PDE4D: variants seen among roughly 807,000 people sequenced by gnomAD.
PDE4D encodes 3',5'-cyclic-AMP phosphodiesterase 4D.
Under a neutral mutation model 87.4 loss-of-function variants are expected in PDE4D, and 24 were observed. The observed-to-expected ratio is 0.27, with a 90% CI of 0.20 to 0.39. The LOEUF is 0.39. Among genes scored for constraint, PDE4D ranks in the 10% least tolerant of loss-of-function variants. PDE4D has a pLI of 1.00. For missense variants in PDE4D, 714 were observed against 1,041.0 expected (o/e 0.69, Z 4.32); for synonymous variants, 384 against 383.2 (o/e 1.00, Z -0.02).
At chr5:59,550,886 C>A (rs763084459) in intron 1 of PDE4D, among the ~76,000 whole-genome samples, 1 of 151,862 alleles carries the variant, frequency 6.6e-6, no homozygotes, top group Non-Finnish European at 1.5e-5. Flanking sequence ...TTAGTAGAGA[C>A]GGGGTTTCAC....
At chr5:59,333,979 T>C (rs1234083020) in intron 1 of PDE4D, among the ~76,000 whole-genome samples, 2 of 152,044 alleles carry the variant, frequency 1.3e-5, no homozygotes, top group Admixed American at 1.3e-4. Flanking sequence ...GTCTTGTTTA[T>C]GAGGATCCAA....
intron 1 of PDE4D, among the ~76,000 whole-genome samples, chr5:59,679,049 C>G (rs187729413): frequency 9.9e-5 from 15 of 152,270 alleles, no homozygotes; most frequent in East Asian, 3.9e-4. Flanking sequence ...GACTTAGAGA[C>G]AGTCTTATTC....
At chr5:59,319,917 G>A (rs543059004) in intron 1 of PDE4D, among the ~76,000 whole-genome samples, 2 of 152,228 alleles carry the variant, frequency 1.3e-5, no homozygotes, top group African/African-American at 4.8e-5. Flanking sequence ...CCTCAAGCCA[G>A]TTCTACAGGA....
intron 5 of PDE4D, among the ~76,000 whole-genome samples, chr5:59,111,644 C>G (rs13354437): frequency 0.29 from 44,622 of 152,078 alleles, 7,230 homozygotes; most frequent in African/African-American, 0.43. Flanking sequence ...CTGCATTTTT[C>G]TATTCTAAAT....
chr5:59,474,618 A>C (rs923107896), intron 1 of PDE4D, among the ~76,000 whole-genome samples: 19 of 152,130 alleles, frequency 1.2e-4, no homozygotes, highest in African/African-American at 4.3e-4. Flanking sequence ...AGCATCAATC[A>C]TCTTGGGTCC....
At chr5:60,214,778 GT>G (rs1005193496) in intron 1 of PDE4D, among the ~76,000 whole-genome samples, 1 of 152,128 alleles carries the variant, frequency 6.6e-6, no homozygotes, top group African/African-American at 2.4e-5. Flanking sequence ...CCAAACAGGA[GT>G]TTGTCCTAAA....
chr5:59,534,388 T>G (rs1814770791), intron 1 of PDE4D, among the ~76,000 whole-genome samples: 1 of 152,198 alleles, frequency 6.6e-6, no homozygotes, highest in African/African-American at 2.4e-5. Flanking sequence ...CTGGAAACAC[T>G]ATTTTGCCTG....
chr5:59,890,414 A>G (rs1167705130), intron 1 of PDE4D, among the ~76,000 whole-genome samples: 2 of 152,228 alleles, frequency 1.3e-5, no homozygotes, highest in African/African-American at 4.8e-5. Context: ...GTCAACAAAT[A>G]CACTGATTTG....
chr5:60,107,230 C>T (rs1188883122), intron 2 of PDE4D, among the ~76,000 whole-genome samples: 2 of 152,120 alleles, frequency 1.3e-5, no homozygotes, highest in East Asian at 1.9e-4. Context: ...CTACAAAAAC[C>T]TCTACGCAAA....
intron 2 of PDE4D, among the ~76,000 whole-genome samples, chr5:60,013,904 C>T (rs976594917): frequency 6.6e-6 from 1 of 151,848 alleles, no homozygotes; most frequent in Non-Finnish European, 1.5e-5. Flanking sequence ...CCATCCTGGC[C>T]AACATGGTGA....
At chr5:59,561,319 C>T (rs910415876) in intron 1 of PDE4D, among the ~76,000 whole-genome samples, 1 of 152,230 alleles carries the variant, frequency 6.6e-6, no homozygotes, top group South Asian at 2.1e-4. Context: ...GACTAGTACA[C>T]GTATTCAAGT....
At chr5:60,217,748 G>C (rs892723812) in intron 1 of PDE4D, among the ~76,000 whole-genome samples, 2 of 151,850 alleles carry the variant, frequency 1.3e-5, no homozygotes, top group South Asian at 4.1e-4. Flanking sequence ...AATTTGAATA[G>C]TATTTCATAT....
At chr5:59,668,422 ATTAG>A (rs1294057032) in intron 1 of PDE4D, among the ~76,000 whole-genome samples, 1 of 152,138 alleles carries the variant, frequency 6.6e-6, no homozygotes, top group Non-Finnish European at 1.5e-5. Flanking sequence ...ATCTTTCAGA[ATTAG>A]TTAGCAGGTA....
intron 1 of PDE4D, among the ~76,000 whole-genome samples, chr5:60,358,990 A>T (rs1204265226): frequency 6.6e-6 from 1 of 152,172 alleles, no homozygotes; most frequent in Non-Finnish European, 1.5e-5. Context: ...AAAGACATCA[A>T]TTGGGCACTT....
At chr5:59,939,659 G>A (rs991465686) in intron 3 of PDE4D, among the ~76,000 whole-genome samples, 3 of 152,108 alleles carry the variant, frequency 2.0e-5, no homozygotes, top group African/African-American at 7.2e-5. Flanking sequence ...CAGGGGTGAG[G>A]AGAAGAGTAT....
chr5:59,371,239 T>C (rs1223093492), intron 1 of PDE4D, among the ~76,000 whole-genome samples: 2 of 152,214 alleles, frequency 1.3e-5, no homozygotes. Context: ...ACTTGAATGA[T>C]ACGTTAGGAG....
At chr5:60,307,466 G>T (rs1170616026) in intron 1 of PDE4D, among the ~76,000 whole-genome samples, 2 of 152,064 alleles carry the variant, frequency 1.3e-5, no homozygotes, top group East Asian at 1.9e-4. Flanking sequence ...ATCAAGAAAG[G>T]CTATTAAGAA....
Position 60,047,543 on chromosome 5 carries a change from G to A in PDE4D, c.43-58826C>T, listed in dbSNP as rs1393989449. On this transcript the variant is annotated intron_variant, in intron 2 of 16. Transcript: ENST00000502484. ...TCCCTCTACACACTGCTTTGAATGC[G>A]TCCCAGAGATTCTGGTATGCTGTGT... is the stretch of plus-strand genomic sequence containing the variant. Among the ~76,000 whole-genome samples, 15 of 152,164 alleles carry A rather than the reference G, an allele frequency of 9.9e-5. No individual in the cohort carries two copies. In the East Asian group the frequency reaches 1.4e-3, roughly 14 times the overall value.
chr5:59,144,193 G>T (rs1286473386), intron 5 of PDE4D, among the ~76,000 whole-genome samples: 1 of 152,156 alleles, frequency 6.6e-6, no homozygotes, highest in Non-Finnish European at 1.5e-5. Flanking sequence ...GCAGTCAGTT[G>T]TGCACAAAGC....
Sources: allele counts gnomAD v4.1 joint callset (sites outside exome capture counted in the v4.1 genomes callset), GRCh38; gene constraint gnomAD v4.1.1; transcripts MANE v1.5; gene names NCBI Gene and HGNC (gene_info 2026-07-23, HGNC 2026-07-21).